The following TPMT variants were observed in gnomAD, a reference collection of about 807,000 sequenced individuals.
TPMT encodes S-adenosyl-L-methionine:thiopurine S-methyltransferase.
Under a neutral mutation model 34.2 loss-of-function variants are expected in TPMT, and 18 were observed. That is an observed-to-expected ratio of 0.53 (90% CI 0.36 to 0.78). The LOEUF (loss-of-function observed/expected upper bound fraction) is 0.78. Among genes scored for constraint, TPMT ranks in the 30% least tolerant of loss-of-function variants. The pLI, the probability that TPMT is intolerant of heterozygous loss-of-function variation, is 0.00. For synonymous variants in TPMT, 69 were observed against 92.4 expected, an observed-to-expected ratio of 0.75 and a Z score of 1.45; for missense variants, 265 against 288.1, an observed-to-expected ratio of 0.92 and a Z score of 0.58.
chr6:18,139,089 A>T lies in TPMT; in HGVS notation c.420-52T>A, dbSNP rs528468301. On this transcript the variant is annotated intron_variant, in intron 5 of 8. Transcript: ENST00000309983. The surrounding 1 kb of genome is among the most constrained non-coding windows in gnomAD (Gnocchi z 4.2). ...TGGGAGAAAAATCAAATCTTTAAGA[A>T]GATGAGCAGCGTCCCCCATGGTGCA... The T allele has an allele frequency of 2.7e-6, 4 of 1,509,296 alleles. No homozygotes were observed. In the African/African-American group the frequency reaches 5.5e-5, roughly 21 times the overall value. 93.5% of individuals were successfully genotyped at this position (1,509,296 alleles called of 1,614,324 possible).
At chr6:18,144,601 G>A (rs1445635681) in intron 3 of TPMT, among the ~76,000 whole-genome samples, 2 of 147,626 alleles carry the variant, frequency 1.4e-5, no homozygotes, top group Middle Eastern at 3.7e-3. Flanking sequence ...CTGGTCTCGA[G>A]CTCCCGAACT....
rs938853805 is a variant in TPMT at position 18,128,544 on chromosome 6, C to G, written c.*2124G>C. 1 of 152,160 alleles carries G rather than the reference C, an allele frequency of 6.6e-6. No homozygotes were observed. The highest frequency in any genetic ancestry group is 2.4e-5 in the African/African-American group (1 of 41,426). The allele number at this position is 152,160 out of a possible 1,614,324, so 9.4% of individuals were successfully genotyped here. On this transcript the variant is annotated 3_prime_UTR_variant, in exon 9 of 9. Coordinates refer to ENST00000309983, the MANE Select transcript of TPMT (RefSeq NM_000367.5). The surrounding 1 kb of genome is among the most constrained non-coding windows in gnomAD (Gnocchi z 4.6). ...TTTCTCCCCACCCTGGGCAGCTGGG[C>G]TTCAGGGAGGATGAAAATGGACCCA...
At chr6:18,152,360 G>A (rs1784367655) in intron 1 of TPMT, among the ~76,000 whole-genome samples, 1 of 151,922 alleles carries the variant, frequency 6.6e-6, no homozygotes, top group Non-Finnish European at 1.5e-5. Context: ...AAAAAATTCT[G>A]TTATTTTCAG....
At chr6:18,144,399 G>T (rs1012781361) in intron 3 of TPMT, among the ~76,000 whole-genome samples, 1 of 152,096 alleles carries the variant, frequency 6.6e-6, no homozygotes, top group African/African-American at 2.4e-5. Context: ...TTTTGAGACG[G>T]AGTCTCACTT....
intron 7 of TPMT, among the ~76,000 whole-genome samples, chr6:18,133,309 AAG>A (rs1397838972): frequency 4.6e-5 from 7 of 152,210 alleles, no homozygotes; most frequent in African/African-American, 1.7e-4. Context: ...AAACAAATAA[AAG>A]AATGCAATAG....
intron 3 of TPMT, among the ~76,000 whole-genome samples, chr6:18,144,442 A>C (rs993368988): frequency 6.6e-6 from 1 of 152,184 alleles, no homozygotes; most frequent in Non-Finnish European, 1.5e-5. Flanking sequence ...GCAATGGCAC[A>C]ATCTCGGCTC....
Position 18,136,305 on chromosome 6 carries a change from T to C in TPMT, c.495-2416A>G, listed in dbSNP as rs1784040023. Among the ~76,000 whole-genome samples the C allele has an allele frequency of 6.6e-6, 1 of 151,912 alleles. No individual in the cohort carries two copies. The highest frequency in any genetic ancestry group is 2.4e-5 in the African/African-American group (1 of 41,346). On this transcript the variant is annotated intron_variant, in intron 6 of 8. Transcript: ENST00000309983. The surrounding 1 kb of genome is among the most constrained non-coding windows in gnomAD (Gnocchi z 4.7). ...GTTGTTAAAGGACACTGATGTCACA[T>C]GGGAAGTGCAAAGCAGACACTGGAC...
chr6:18,150,689 C>A lies in TPMT; in HGVS notation c.-44-1518G>T, dbSNP rs1486029847. Reference sequence around the variant, plus strand: ...ACAAGGAAGAAAAAGAATGTTTTTCCATTTTGCATGTATAAAACACGGTTA... The same window carrying A: ...ACAAGGAAGAAAAAGAATGTTTTTCAATTTTGCATGTATAAAACACGGTTA... On this transcript the variant is annotated intron_variant, in intron 1 of 8. Transcript: ENST00000309983. This position sits in a 1 kb window ranked among gnomAD's most constrained non-coding sequence, Gnocchi z 5.3. 1.3e-5 allele frequency among the ~76,000 whole-genome samples: 2 copies of A among 152,136 alleles called. No individual in the cohort carries two copies. The highest frequency in any genetic ancestry group is 2.9e-5 in the Non-Finnish European group (2 of 68,014).
At position 18,140,404 on chromosome 6, in the gene TPMT, T is replaced by C. The variant is rs1030658183; in HGVS notation, c.367-687A>G. ...TCAGGGAGACTAAACAAAAGGTGAC[T>C]TTTGGCCAGGTGTGGCAGCTTACAC... is the stretch of plus-strand genomic sequence containing the variant. On this transcript the variant is annotated intron_variant, in intron 4 of 8. Coordinates refer to ENST00000309983, the MANE Select transcript of TPMT (RefSeq NM_000367.5). This position sits in a 1 kb window ranked among gnomAD's most constrained non-coding sequence, Gnocchi z 4.7. Among the ~76,000 whole-genome samples, 1 of 152,146 alleles carries C rather than the reference T, an allele frequency of 6.6e-6. No individual in the cohort carries two copies. The highest frequency in any genetic ancestry group is 1.5e-5 in the Non-Finnish European group (1 of 68,036).
Position 18,132,202 on chromosome 6 carries a change from G to A in TPMT, c.581-25C>T. ...CCTAGGTAAAAGAGAAATAAATTCT[G>A]AGTTTATTTCCAATGACGTAGGTGT... is the stretch of plus-strand genomic sequence containing the variant. On this transcript the variant is annotated intron_variant, in intron 7 of 8. Coordinates refer to ENST00000309983, the MANE Select transcript of TPMT (RefSeq NM_000367.5). This position sits in a 1 kb window ranked among gnomAD's most constrained non-coding sequence, Gnocchi z 4.8. 1 of 1,611,520 alleles carries A rather than the reference G, an allele frequency of 6.2e-7. No individual in the cohort carries two copies. Among genetic ancestry groups the A allele is most frequent in the African/African-American group, 1.3e-5 (1 of 75,012 alleles).
Position 18,149,017 on chromosome 6 carries a change from C to G in TPMT, c.111G>C (p.Lys37Asn). 6.2e-7 allele frequency: 1 copy of G among 1,614,022 alleles called. No individual in the cohort carries two copies. The highest frequency in any genetic ancestry group is 8.5e-7 in the Non-Finnish European group (1 of 1,179,972). Residue 37 changes from lysine (K) to asparagine (N), a missense_variant, in exon 2 of 9, where the codon AAG (lysine) becomes AAC (asparagine). Coordinates refer to ENST00000309983, the MANE Select transcript of TPMT (RefSeq NM_000367.5). This position sits in a 1 kb window ranked among gnomAD's most constrained non-coding sequence, Gnocchi z 5.0. ...EEWQDKWVNG[K>N]TAFHQEQGHQ... ...GTCCTTGTTCCTGATGAAAAGCAGT[C>G]TTGCCGTTCACCCACTTGTCTTGCC... is the stretch of plus-strand genomic sequence containing the variant.
chr6:18,144,882 G>A lies in TPMT; in HGVS notation c.234-1154C>T, dbSNP rs1034440511. On this transcript the variant is annotated intron_variant, in intron 3 of 8. Transcript: ENST00000309983. Reference sequence around the variant, plus strand: ...ATTACAGGTGTGCCCCACCATACCCGGCTAATTTTTGTATTTTTAGTAGAG... The same window carrying A: ...ATTACAGGTGTGCCCCACCATACCCAGCTAATTTTTGTATTTTTAGTAGAG... Among the ~76,000 whole-genome samples, 4 of 150,102 alleles carry A rather than the reference G, an allele frequency of 2.7e-5. No individual in the cohort carries two copies. In the East Asian group the frequency reaches 5.9e-4, roughly 22 times the overall value.
rs1232651547 is a variant in TPMT at position 18,129,026 on chromosome 6, A to C, written c.*1642T>G. On this transcript the variant is annotated 3_prime_UTR_variant, in exon 9 of 9. Transcript: ENST00000309983. Reference sequence around the variant, plus strand: ...AGACAGGAGGACTGCTTGAGGCCTCACGTCAAGTTCAACATCAGCGTGGGC... The same window carrying C: ...AGACAGGAGGACTGCTTGAGGCCTCCCGTCAAGTTCAACATCAGCGTGGGC... 6.6e-6 allele frequency: 1 copy of C among 152,306 alleles called. No individual in the cohort carries two copies. The highest frequency in any genetic ancestry group is 1.5e-5 in the Non-Finnish European group (1 of 68,126). 9.4% of individuals were successfully genotyped at this position (152,306 alleles called of 1,614,324 possible).
rs1784309944 is a variant in TPMT at position 18,149,418 on chromosome 6, G to A, written c.-44-247C>T. Among the ~76,000 whole-genome samples, 1 of 151,566 alleles carries A rather than the reference G, an allele frequency of 6.6e-6. No individual in the cohort carries two copies. Among genetic ancestry groups the A allele is most frequent in the South Asian group, 2.1e-4 (1 of 4,802 alleles). On this transcript the variant is annotated intron_variant, in intron 1 of 8. Coordinates refer to ENST00000309983, the MANE Select transcript of TPMT (RefSeq NM_000367.5). The surrounding 1 kb of genome is among the most constrained non-coding windows in gnomAD (Gnocchi z 5.0). ...CAATTCTGCTGCCTCAGCCTCCCAA[G>A]TAGCTGGGACTGCAGGTGTGCACCA... is the stretch of plus-strand genomic sequence containing the variant.
At chr6:18,144,395 G>C (rs1054190074) in intron 3 of TPMT, among the ~76,000 whole-genome samples, 1 of 151,986 alleles carries the variant, frequency 6.6e-6, no homozygotes, top group African/African-American at 2.4e-5. Flanking sequence ...TTATTTTTGA[G>C]ACGGAGTCTC....
Position 18,143,870 on chromosome 6 carries a change from A to G in TPMT, c.234-142T>C. On this transcript the variant is annotated intron_variant, in intron 3 of 8. Transcript: ENST00000309983. The surrounding 1 kb of genome is among the most constrained non-coding windows in gnomAD (Gnocchi z 6.1). ...CATAGGGTTTCAAAGAACATGCAGG[A>G]AAGCAGATCTATATTATTTTCAAAC... 9.1e-7 allele frequency: 1 copy of G among 1,099,058 alleles called. No homozygotes were observed. Among genetic ancestry groups the G allele is most frequent in the Non-Finnish European group, 1.3e-6 (1 of 765,440 alleles). The allele number at this position is 1,099,058 out of a possible 1,614,324, so 68.1% of individuals were successfully genotyped here.
In TPMT at chr6:18,148,203, G is replaced by C. The variant is rs140011114; in HGVS notation, c.141-288C>G. ...AATTCTCTAAATATGTACTATTTTGGGGGTGATGGAGCCTCTGGAGCCATG... is the reference window on the plus strand; with the variant it reads ...AATTCTCTAAATATGTACTATTTTGCGGGTGATGGAGCCTCTGGAGCCATG... On this transcript the variant is annotated intron_variant, in intron 2 of 8. Transcript: ENST00000309983. This position sits in a 1 kb window ranked among gnomAD's most constrained non-coding sequence, Gnocchi z 4.1. Among the ~76,000 whole-genome samples the C allele has an allele frequency of 5.5e-4, 84 of 152,122 alleles. No homozygotes were observed. The highest frequency in any genetic ancestry group is 2.0e-3 in the African/African-American group (81 of 41,500).
rs1202558450 is a variant in TPMT at position 18,143,116 on chromosome 6, G to T, written c.366+480C>A. ...TCTATCTGTCACCATGCTTCAGGAA[G>T]CACCGCCAGGTTGGGCAGGTAACTC... On this transcript the variant is annotated intron_variant, in intron 4 of 8. Transcript: ENST00000309983. This position sits in a 1 kb window ranked among gnomAD's most constrained non-coding sequence, Gnocchi z 6.1. Among the ~76,000 whole-genome samples, 1 of 152,198 alleles carries T rather than the reference G, an allele frequency of 6.6e-6. No individual in the cohort carries two copies. The highest frequency in any genetic ancestry group is 1.5e-5 in the Non-Finnish European group (1 of 68,042).
At chr6:18,142,326 A>G (rs1784159081) in intron 4 of TPMT, among the ~76,000 whole-genome samples, 1 of 151,776 alleles carries the variant, frequency 6.6e-6, no homozygotes, top group South Asian at 2.1e-4. Context: ...CCACTTCACA[A>G]CCTCTGCAGT....
Sources: allele counts gnomAD v4.1 joint callset (sites outside exome capture counted in the v4.1 genomes callset), GRCh38; gene constraint gnomAD v4.1.1; non-coding constraint Gnocchi (gnomAD v3.1); transcripts MANE v1.5; gene names NCBI Gene and HGNC (gene_info 2026-07-23, HGNC 2026-07-21).